Variants in RSPRY1 observed in about 807,000 individuals in gnomAD.
The protein encoded by RSPRY1 is RING finger and SPRY domain-containing protein 1.
A neutral mutation model predicts 73.1 loss-of-function variants in RSPRY1; 23 were observed. That is an observed-to-expected ratio of 0.31 (90% CI 0.23 to 0.45). The LOEUF is 0.45. Ranked by LOEUF, RSPRY1 falls within the 20% of genes least tolerant of loss-of-function variation. The probability of loss-of-function intolerance (pLI) is 1.00; values close to 1 mark genes in which losing one functional copy is unlikely to be tolerated. For synonymous variants in RSPRY1, 226 were observed against 251.4 expected (o/e 0.90, Z 0.95); for missense variants, 448 against 698.7 (o/e 0.64, Z 4.05).
intron 6 of RSPRY1, among the ~76,000 whole-genome samples, chr16:57,214,567 G>T (rs715040): frequency 0.046 from 7,008 of 152,230 alleles, 343 homozygotes; most frequent in East Asian, 0.23. Context: ...CCACTGATAC[G>T]TGCTTAAAAC....
intron 12 of RSPRY1, 36 bp from the exon 13 acceptor site, chr16:57,231,131 T>G (rs762559815): frequency 6.3e-7 from 1 of 1,582,560 alleles, no homozygotes; most frequent in South Asian, 1.1e-5. Context: ...TGATTTTTAT[T>G]AATTCTATTG....
intron 2 of RSPRY1, among the ~76,000 whole-genome samples, chr16:57,206,349 T>C (rs2074724750): frequency 6.6e-6 from 1 of 152,120 alleles, no homozygotes; most frequent in Non-Finnish European, 1.5e-5. Flanking sequence ...CCAGCTGCAG[T>C]GAGCTATGAT....
At chr16:57,197,317 T>C (rs534073554) in intron 1 of RSPRY1, among the ~76,000 whole-genome samples, 1 of 152,344 alleles carries the variant, frequency 6.6e-6, no homozygotes, top group South Asian at 2.1e-4. Flanking sequence ...TGTTCATTTA[T>C]GTGCCCTGTC....
chr16:57,193,047 A>G (rs992735066), intron 1 of RSPRY1, among the ~76,000 whole-genome samples: 5 of 152,056 alleles, frequency 3.3e-5, no homozygotes, highest in Non-Finnish European at 7.4e-5. Flanking sequence ...AAAAATACCT[A>G]CTTTCAAAGG....
In RSPRY1 at chr16:57,191,538, G is replaced by A. The variant is rs141968924; in HGVS notation, c.-156+5087G>A. ...GATTCCTGCAGTATTCAGGAAGTAT[G>A]CTTAGTTTGGGGTGCATCATCTGAA... On this transcript the variant is annotated intron_variant, in intron 1 of 14. Transcript: ENST00000394420. Among the ~76,000 whole-genome samples, 1,079 of 152,242 alleles carry A rather than the reference G, an allele frequency of 7.1e-3. 14 individuals carry two copies. The highest frequency in any genetic ancestry group is 0.025 in the African/African-American group (1,019 of 41,528).
chr16:57,230,047 G>A (rs1199245186), intron 11 of RSPRY1, among the ~76,000 whole-genome samples: 8 of 82,114 alleles, frequency 9.7e-5, no homozygotes, highest in Admixed American at 3.7e-4. Context: ...TTTTTGCCCC[G>A]TCACCCAGGC....
chr16:57,190,188 C>A (rs1393317909), intron 1 of RSPRY1, among the ~76,000 whole-genome samples: 1 of 151,870 alleles, frequency 6.6e-6, no homozygotes, highest in Non-Finnish European at 1.5e-5. Context: ...GGCAACATGG[C>A]AAAACCCCAT....
At chr16:57,207,621 A>G (rs1445887459) in intron 2 of RSPRY1, 1 of 456,580 alleles carries the variant, frequency 2.2e-6, no homozygotes, top group African/African-American at 2.0e-5. Context: ...AGATGCGTAT[A>G]TAGGCCCTTG....
chr16:57,200,946 CCGGG>C (rs1382253699), intron 1 of RSPRY1, among the ~76,000 whole-genome samples: 1 of 20,718 alleles, frequency 4.8e-5, no homozygotes, highest in East Asian at 3.6e-3. Context: ...GGGCGGCTGG[CCGGG>C]GGGGGGGGGG....
At chr16:57,237,137 A>T (rs2075311859) in intron 14 of RSPRY1, among the ~76,000 whole-genome samples, 1 of 152,126 alleles carries the variant, frequency 6.6e-6, no homozygotes, top group Non-Finnish European at 1.5e-5. Flanking sequence ...ACTGCACTCC[A>T]GCCCAGGCAA....
At chr16:57,201,948 GGAAAGA>G (rs1357868961) in intron 1 of RSPRY1, among the ~76,000 whole-genome samples, 4 of 152,132 alleles carry the variant, frequency 2.6e-5, no homozygotes, top group Non-Finnish European at 2.9e-5. Context: ...GGGAGACCGT[GGAAAGA>G]GAGAGAGAGG....
At chr16:57,223,395 A>G (rs779854441) in intron 10 of RSPRY1, among the ~76,000 whole-genome samples, 3 of 152,256 alleles carry the variant, frequency 2.0e-5, no homozygotes, top group Non-Finnish European at 4.4e-5. Flanking sequence ...CAGGTAACCT[A>G]CAGAACAGTT....
intron 2 of RSPRY1, among the ~76,000 whole-genome samples, chr16:57,206,594 A>C (rs1225594815): frequency 6.6e-6 from 1 of 152,158 alleles, no homozygotes; most frequent in Non-Finnish European, 1.5e-5. Context: ...ACAGGGTCTC[A>C]CTTTGTCACC....
chr16:57,222,705 A>T (rs1470396881), intron 10 of RSPRY1, among the ~76,000 whole-genome samples: 2 of 152,242 alleles, frequency 1.3e-5, no homozygotes, highest in African/African-American at 4.8e-5. Flanking sequence ...CTTTGTATTC[A>T]AAAATGGGGA....
Position 57,231,286 on chromosome 16 carries a change from T to A in RSPRY1, c.1496T>A (p.Phe499Tyr). Residue 499 changes from phenylalanine to tyrosine, a missense_variant, in exon 13 of 15, where the codon TTC (phenylalanine) becomes TAC (tyrosine). By Grantham distance (22) the Phe-to-Tyr change is conservative. Coordinates refer to ENST00000394420, the MANE Select transcript of RSPRY1 (RefSeq NM_133368.3). ...TTTAGCACTTTTAATGACTACGCCT[T>A]CCTAACAGCTGAAGAAAAAATCATT... ...MKFSTFNDYAFLTAEEKIILP... is the reference protein window; with the variant it reads ...MKFSTFNDYAYLTAEEKIILP... 6.2e-7 allele frequency: 1 copy of A among 1,613,466 alleles called. No homozygotes were observed. Among genetic ancestry groups the A allele is most frequent in the Non-Finnish European group, 8.5e-7 (1 of 1,179,814 alleles).
chr16:57,186,223 C>G (rs543358013), upstream of RSPRY1: 6 of 965,656 alleles, frequency 6.2e-6, no homozygotes, highest in Admixed American at 1.8e-4. Flanking sequence ...TCACGTGACA[C>G]GATTTTTGAA....
chr16:57,220,915 C>A, intron 9 of RSPRY1, 68 bp downstream of exon 9: 1 of 1,146,606 alleles, frequency 8.7e-7, no homozygotes, highest in Non-Finnish European at 1.3e-6. Flanking sequence ...CCTTGCATAG[C>A]CAGTTGTCTT....
chr16:57,214,010 G>C, intron 6 of RSPRY1, 64 bp downstream of exon 6: 1 of 1,120,546 alleles, frequency 8.9e-7, no homozygotes, highest in Non-Finnish European at 1.4e-6. Flanking sequence ...CTAGAACTGT[G>C]CATTTTCTCA....
chr16:57,199,032 C>T (rs892247802), intron 1 of RSPRY1, among the ~76,000 whole-genome samples: 7 of 152,158 alleles, frequency 4.6e-5, no homozygotes, highest in Admixed American at 2.6e-4. Context: ...GTTGGGTTAG[C>T]CACAAGTTTT....
Sources: gnomAD v4.1 joint callset for allele counts (sites outside exome capture counted in the v4.1 genomes callset) on GRCh38, gnomAD v4.1.1 for gene constraint, MANE v1.5 for transcripts, NCBI Gene and HGNC (gene_info 2026-07-23, HGNC 2026-07-21) for gene names.